The following CCDC85A variants were observed in gnomAD, a reference collection of about 807,000 sequenced individuals.
CCDC85A encodes the protein coiled-coil domain containing 85A.
A neutral mutation model predicts 50.2 loss-of-function variants in CCDC85A; 38 were observed. That is an observed-to-expected ratio of 0.76 (90% CI 0.58 to 0.99). The LOEUF is 0.99. CCDC85A is among the 50% of genes least tolerant of loss of function. The pLI is 0.00. For missense variants in CCDC85A, 820 were observed against 742.0 expected (o/e 1.11, Z -1.22); for synonymous variants, 366 against 301.4 (o/e 1.21, Z -2.22).
chr2:56,201,720 A>C (rs1205375373), intron 2 of CCDC85A, among the ~76,000 whole-genome samples: 1 of 152,188 alleles, frequency 6.6e-6, no homozygotes, highest in Non-Finnish European at 1.5e-5. Context: ...GCATATATTG[A>C]TGCATATAGT....
At chr2:56,363,044 G>T (rs2104372922) in intron 3 of CCDC85A, among the ~76,000 whole-genome samples, 1 of 152,194 alleles carries the variant, frequency 6.6e-6, no homozygotes, top group Middle Eastern at 3.4e-3. Flanking sequence ...TTATCCTTTT[G>T]AATATGATTC....
At chr2:56,304,474 A>T (rs1672343549) in intron 2 of CCDC85A, among the ~76,000 whole-genome samples, 1 of 152,198 alleles carries the variant, frequency 6.6e-6, no homozygotes, top group Non-Finnish European at 1.5e-5. Flanking sequence ...GGCCAAGTAG[A>T]CTTAATTATG....
chr2:56,191,712 G>T (rs1282603221), intron 1 of CCDC85A, among the ~76,000 whole-genome samples: 1 of 152,186 alleles, frequency 6.6e-6, no homozygotes, highest in Non-Finnish European at 1.5e-5. Context: ...TTAATTTAAG[G>T]CTCAGGTTGC....
chr2:56,256,411 C>T (rs1447210952), intron 2 of CCDC85A, among the ~76,000 whole-genome samples: 1 of 152,114 alleles, frequency 6.6e-6, no homozygotes, highest in Non-Finnish European at 1.5e-5. Context: ...TAAGTGGGCA[C>T]AATGTGTCCT....
At position 56,375,924 on chromosome 2, in the gene CCDC85A, C is replaced by T. The variant is rs1164910964; in HGVS notation, c.1561C>T (p.His521Tyr). Residue 521 changes from histidine (H) to tyrosine (Y), a missense_variant, in exon 5 of 6, where the codon CAT becomes TAT. His to Tyr is a moderately conservative substitution (Grantham distance 83). Transcript: ENST00000407595. ...TPSQQPEPVV[H>Y]SLKVVWRKLG... ...TTCCCAGCAGCCTGAACCTGTGGTA[C>T]ATTCTCTTAAGGTAACCAATCGTGT... 1.9e-6 allele frequency: 3 copies of T among 1,613,642 alleles called. No homozygotes were observed. Among genetic ancestry groups the T allele is most frequent in the East Asian group, 2.2e-5 (1 of 44,860 alleles).
intron 2 of CCDC85A, among the ~76,000 whole-genome samples, chr2:56,251,331 G>A (rs1669746628): frequency 1.3e-5 from 2 of 152,164 alleles, no homozygotes; most frequent in African/African-American, 2.4e-5. Context: ...TGTATTATCT[G>A]AAAATGTTGG....
chr2:56,201,076 CCACACACACACACACA>C (rs72152096), intron 2 of CCDC85A, among the ~76,000 whole-genome samples: 2 of 147,300 alleles, frequency 1.4e-5, no homozygotes, highest in Non-Finnish European at 3.0e-5. Context: ...TCATCTCTCT[CCACACACACACACACA>C]CACACACACA....
At chr2:56,265,514 T>G (rs562846919) in intron 2 of CCDC85A, among the ~76,000 whole-genome samples, 23 of 152,198 alleles carry the variant, frequency 1.5e-4, no homozygotes, top group African/African-American at 5.5e-4. Flanking sequence ...CAAAAGAAGA[T>G]ATACAGATGG....
chr2:56,240,500 TTCTTTGTGTG>T (rs1362290212), intron 2 of CCDC85A, among the ~76,000 whole-genome samples: 2 of 152,182 alleles, frequency 1.3e-5, no homozygotes, highest in Non-Finnish European at 2.9e-5. Flanking sequence ...TCATTCATCA[TTCTTTGTGTG>T]TTTTGTCCAA....
At chr2:56,219,631 C>T (rs900170156) in intron 2 of CCDC85A, among the ~76,000 whole-genome samples, 2 of 151,810 alleles carry the variant, frequency 1.3e-5, no homozygotes, top group Non-Finnish European at 2.9e-5. Flanking sequence ...CCCCTGGATG[C>T]TTACCCTCCC....
intron 2 of CCDC85A, among the ~76,000 whole-genome samples, chr2:56,336,390 G>A (rs2104305833): frequency 6.6e-6 from 1 of 152,250 alleles, no homozygotes; most frequent in East Asian, 1.9e-4. Context: ...CTGACCTCAG[G>A]TGATCTGCCT....
At chr2:56,322,271 G>A (rs1003492947) in intron 2 of CCDC85A, among the ~76,000 whole-genome samples, 3 of 152,094 alleles carry the variant, frequency 2.0e-5, no homozygotes, top group Non-Finnish European at 2.9e-5. Flanking sequence ...AGCAATGGCA[G>A]CAAAAGCCCA....
At chr2:56,282,944 A>T (rs2104110382) in intron 2 of CCDC85A, among the ~76,000 whole-genome samples, 1 of 152,310 alleles carries the variant, frequency 6.6e-6, no homozygotes, top group South Asian at 2.1e-4. Flanking sequence ...ATGGTACTAA[A>T]ATGTTTTCTT....
chr2:56,251,065 G>A lies in CCDC85A; in HGVS notation c.1240+57625G>A, dbSNP rs140975245. Among the ~76,000 whole-genome samples, 675 of 152,170 alleles carry A rather than the reference G, an allele frequency of 4.4e-3. 2 individuals carry two copies. The highest frequency in any genetic ancestry group is 7.6e-3 in the Non-Finnish European group (514 of 68,008). The stretch of plus-strand genomic sequence containing the variant: ...TTCTGGTCTGACACTTTATTACCTA[G>A]TGTTGTCTGTGCTGTATGTTTCATC... On this transcript the variant is annotated intron_variant, in intron 2 of 5. Coordinates refer to ENST00000407595, the MANE Select transcript of CCDC85A (RefSeq NM_001080433.2).
chr2:56,321,990 A>G (rs879178314), intron 2 of CCDC85A, among the ~76,000 whole-genome samples: 1 of 152,194 alleles, frequency 6.6e-6, no homozygotes, highest in Non-Finnish European at 1.5e-5. Flanking sequence ...ATAATACCAC[A>G]CATCTACAAC....
chr2:56,334,744 G>A (rs759755123), intron 2 of CCDC85A, among the ~76,000 whole-genome samples: 5 of 152,178 alleles, frequency 3.3e-5, no homozygotes, highest in Non-Finnish European at 7.4e-5. Flanking sequence ...TTCATTCCAT[G>A]AAAGGAAGAA....
chr2:56,269,473 GCTC>G (rs1181692302), intron 2 of CCDC85A, among the ~76,000 whole-genome samples: 2 of 152,064 alleles, frequency 1.3e-5, no homozygotes, highest in Admixed American at 6.5e-5. Context: ...CATTGCTAGG[GCTC>G]CTCCTATGTT....
intron 2 of CCDC85A, among the ~76,000 whole-genome samples, chr2:56,223,109 C>G (rs1668398081): frequency 6.6e-6 from 1 of 152,060 alleles, no homozygotes; most frequent in Non-Finnish European, 1.5e-5. Flanking sequence ...TTCAGACAAG[C>G]CTTGAGCAAT....
Position 56,384,282 on chromosome 2 carries a change from T to C in CCDC85A, c.1589T>C (p.Leu530Pro), listed in dbSNP as rs770743804. ...TTTTTTAAGGTTGTGTGGAGGAAAC[T>C]TGGAGATGCTGCAGGTTCGTGTCCT... Reference protein sequence around the residue: ...VHSLKVVWRKLGDAAGSCPGI... With the variant: ...VHSLKVVWRKPGDAAGSCPGI... The change falls in exon 6 of 6, where the codon CTT becomes CCT. Residue 530 changes from leucine (L) to proline (P), a missense_variant. Coordinates refer to ENST00000407595, the MANE Select transcript of CCDC85A (RefSeq NM_001080433.2). 6 of 1,611,094 alleles carry C rather than the reference T, an allele frequency of 3.7e-6. No homozygotes were observed. In the African/African-American group the frequency reaches 6.7e-5, roughly 18 times the overall value.
Sources: gnomAD v4.1 joint callset for allele counts (sites outside exome capture counted in the v4.1 genomes callset) on GRCh38, gnomAD v4.1.1 for gene constraint, MANE v1.5 for transcripts, NCBI Gene and HGNC (gene_info 2026-07-23, HGNC 2026-07-21) for gene names.